The following INPP5F variants were observed in gnomAD, a reference collection of about 807,000 sequenced individuals.
INPP5F encodes the protein phosphatidylinositide 4-phosphatase SAC2.
A neutral mutation model predicts 137.2 loss-of-function variants in INPP5F; 97 were observed. That is an observed-to-expected ratio of 0.71 (90% CI 0.60 to 0.84). INPP5F has a LOEUF of 0.84. Ranked by LOEUF, INPP5F falls within the 40% of genes least tolerant of loss-of-function variation. INPP5F has a pLI of 0.00. For missense variants in INPP5F, 1,271 were observed against 1,371.9 expected, an observed-to-expected ratio of 0.93 and a Z score of 1.16; for synonymous variants, 504 against 476.9, an observed-to-expected ratio of 1.06 and a Z score of -0.74.
In INPP5F at chr10:119,799,171, G is replaced by C. The variant is rs183769350; in HGVS notation, c.1116+561G>C. On this transcript the variant is annotated intron_variant, in intron 9 of 19. Transcript: ENST00000650623. Reference sequence around the variant, plus strand: ...TATAAACCAAAATCAACTGAAAACTGGTAGGTGAGATACAAGTTCAATGAT... The same window carrying C: ...TATAAACCAAAATCAACTGAAAACTCGTAGGTGAGATACAAGTTCAATGAT... 189 of 223,160 alleles carry C rather than the reference G, an allele frequency of 8.5e-4. 2 individuals carry two copies. The highest frequency in any genetic ancestry group is 4.2e-3 in the African/African-American group (179 of 42,666). 13.8% of individuals were successfully genotyped at this position (223,160 alleles called of 1,614,324 possible).
At chr10:119,771,864 ATATATATATATATATATATTTTTTTTTTT>A (rs1208365755) in intron 2 of INPP5F, among the ~76,000 whole-genome samples, 9 of 13,118 alleles carry the variant, frequency 6.9e-4, no homozygotes, top group Admixed American at 2.9e-3. Flanking sequence ...ATATATATAT[ATATATATATATATATATATTTTTTTTTTT>A]TTTTTTTTTT....
At chr10:119,744,019 T>TA (rs1214300214) in intron 1 of INPP5F, among the ~76,000 whole-genome samples, 1 of 152,168 alleles carries the variant, frequency 6.6e-6, no homozygotes. Flanking sequence ...AATTAGCAAG[T>TA]ACGTAGAGGG....
intron 1 of INPP5F, among the ~76,000 whole-genome samples, chr10:119,741,394 C>T (rs1247177333): frequency 6.6e-6 from 1 of 152,208 alleles, no homozygotes; most frequent in Non-Finnish European, 1.5e-5. Context: ...ATTCTTCCTG[C>T]TCCCTGTCTT....
At chr10:119,764,849 A>T (rs1035544843) in intron 2 of INPP5F, among the ~76,000 whole-genome samples, 2 of 152,132 alleles carry the variant, frequency 1.3e-5, no homozygotes, top group African/African-American at 4.8e-5. Flanking sequence ...AAGTGCTGTG[A>T]TTACAGGTGT....
chr10:119,797,895 G>A (rs1318120606), intron 8 of INPP5F, among the ~76,000 whole-genome samples: 3 of 152,086 alleles, frequency 2.0e-5, no homozygotes, highest in Admixed American at 1.3e-4. Context: ...AATTGCTATC[G>A]CTTTGAAGAG....
rs577038802 is a variant in INPP5F at position 119,826,790 on chromosome 10, A to G, written c.2409A>G (p.Leu803=). The part of the protein sequence containing the change: ...SNVNIGNLRK[L]GNFTKPEMKV... ...TAAATATTGGCAACCTCCGAAAGCT[A>G]GGAAACTTTACCAAACCTGAAATGA... The change falls in exon 20 of 20, where the codon CTA becomes CTG. Residue 803 remains leucine, a synonymous_variant. Coordinates refer to ENST00000650623, the MANE Select transcript of INPP5F (RefSeq NM_014937.4). 4.3e-6 allele frequency: 7 copies of G among 1,613,884 alleles called. No homozygotes were observed. Among genetic ancestry groups the G allele is most frequent in the East Asian group, 2.2e-5 (1 of 44,886 alleles).
intron 1 of INPP5F, among the ~76,000 whole-genome samples, chr10:119,732,902 A>G (rs978191419): frequency 5.9e-5 from 9 of 152,064 alleles, no homozygotes; most frequent in African/African-American, 2.2e-4. Context: ...CCTTGGGAGG[A>G]TGGTTTCATT....
intron 1 of INPP5F, among the ~76,000 whole-genome samples, chr10:119,737,903 T>A (rs1328322785): frequency 1.3e-5 from 2 of 152,226 alleles, no homozygotes. Flanking sequence ...GATACCTTTT[T>A]TTTTTCTTTT....
intron 1 of INPP5F, among the ~76,000 whole-genome samples, chr10:119,743,392 A>G (rs1848433499): frequency 6.6e-6 from 1 of 152,156 alleles, no homozygotes; most frequent in Non-Finnish European, 1.5e-5. Context: ...TGTTCAGTCA[A>G]GGAGACAGGC....
At chr10:119,745,495 A>G (rs1848503566) in intron 1 of INPP5F, among the ~76,000 whole-genome samples, 2 of 151,812 alleles carry the variant, frequency 1.3e-5, no homozygotes, top group Admixed American at 6.6e-5. Context: ...TGTTTCTGGT[A>G]CTTACATACA....
At chr10:119,729,926 A>T (rs1216089984) in intron 1 of INPP5F, among the ~76,000 whole-genome samples, 1 of 151,642 alleles carries the variant, frequency 6.6e-6, no homozygotes, top group East Asian at 1.9e-4. Context: ...TTTCCTCTTT[A>T]ACATTATTTA....
intron 1 of INPP5F, among the ~76,000 whole-genome samples, chr10:119,739,835 G>T (rs1478487273): frequency 6.6e-6 from 1 of 151,924 alleles, no homozygotes; most frequent in African/African-American, 2.4e-5. Flanking sequence ...GCCCAGACTG[G>T]TCTTGAACTC....
intron 3 of INPP5F, among the ~76,000 whole-genome samples, chr10:119,784,630 T>A (rs1849815896): frequency 6.6e-6 from 1 of 152,226 alleles, no homozygotes; most frequent in African/African-American, 2.4e-5. Flanking sequence ...AATTTCTAGT[T>A]TTCTGCCTCT....
chr10:119,782,790 TCTG>T (rs1249977264), intron 3 of INPP5F, among the ~76,000 whole-genome samples: 1 of 152,132 alleles, frequency 6.6e-6, no homozygotes, highest in Non-Finnish European at 1.5e-5. Context: ...CCTATATAAT[TCTG>T]CTGAGCTGCC....
chr10:119,740,957 T>C (rs1030921248), intron 1 of INPP5F, among the ~76,000 whole-genome samples: 1 of 152,248 alleles, frequency 6.6e-6, no homozygotes, highest in Non-Finnish European at 1.5e-5. Flanking sequence ...TGAAAGTTAC[T>C]AACATTTATT....
chr10:119,789,051 C>T (rs1409067151), intron 3 of INPP5F, among the ~76,000 whole-genome samples: 1 of 152,082 alleles, frequency 6.6e-6, no homozygotes, highest in Non-Finnish European at 1.5e-5. Flanking sequence ...CATGGAGAAA[C>T]CGTGTCTCTA....
chr10:119,818,290 C>T (rs1851372478), intron 15 of INPP5F, among the ~76,000 whole-genome samples: 1 of 152,248 alleles, frequency 6.6e-6, no homozygotes, highest in Middle Eastern at 3.2e-3. Context: ...CAGGGCCCGC[C>T]TCGCCTCTCC....
At chr10:119,805,310 ATAGC>A in intron 10 of INPP5F, 70 bp from the exon 11 acceptor site, 4 of 1,131,642 alleles carry the variant, frequency 3.5e-6, no homozygotes, top group Non-Finnish European at 5.2e-6. Context: ...GCTACATTAA[ATAGC>A]ATATCTTAAG....
Position 119,785,286 on chromosome 10 carries a change from G to GTTTTTTTT in INPP5F, c.315+3524_315+3531dup, listed in dbSNP as rs71019717. 2.4e-3 allele frequency among the ~76,000 whole-genome samples: 255 copies of GTTTTTTTT among 106,192 alleles called. 14 individuals carry two copies. The highest frequency in any genetic ancestry group is 6.3e-3 in the South Asian group (14 of 2,230). The allele number at this position is 106,192 out of a possible 152,430, so 69.7% of individuals were successfully genotyped here. On this transcript the variant is annotated intron_variant, in intron 3 of 19. Transcript: ENST00000650623. ...TAACCTTTTGTGGAACTGCCAGACT[G>GTTTTTTTT]TTTTTTTTTTTTTTTTGGAGACGGA...
Sources: gnomAD v4.1 joint callset for allele counts (sites outside exome capture counted in the v4.1 genomes callset) on GRCh38, gnomAD v4.1.1 for gene constraint, MANE v1.5 for transcripts, NCBI Gene and HGNC (gene_info 2026-07-23, HGNC 2026-07-21) for gene names.